NGEF: variants seen among roughly 807,000 people sequenced by gnomAD.
NGEF encodes the protein ephexin-1.
Under a neutral mutation model 80.9 loss-of-function variants are expected in NGEF, and 31 were observed. That is an observed-to-expected ratio of 0.38 (90% CI 0.29 to 0.52). The LOEUF is 0.52. Ranked by LOEUF, NGEF falls within the 20% of genes least tolerant of loss-of-function variation. The pLI, the probability that NGEF is intolerant of heterozygous loss-of-function variation, is 0.84. For synonymous variants in NGEF, 371 were observed against 370.2 expected (o/e 1.00, Z -0.03); for missense variants, 709 against 926.2 (o/e 0.77, Z 3.04).
intron 5 of NGEF, among the ~76,000 whole-genome samples, chr2:232,897,034 G>A (rs1692116821): frequency 7.8e-6 from 1 of 128,774 alleles, no homozygotes; most frequent in Non-Finnish European, 1.7e-5. Context: ...GGGTAGGAGT[G>A]GGGGTGAGGT....
At chr2:232,938,247 G>A (rs1022779214) in intron 3 of NGEF, among the ~76,000 whole-genome samples, 2 of 152,176 alleles carry the variant, frequency 1.3e-5, no homozygotes, top group African/African-American at 4.8e-5. Context: ...CTTGGCTAGT[G>A]AAACATTGGA....
At chr2:232,942,283 A>G (rs1368151569) in intron 3 of NGEF, among the ~76,000 whole-genome samples, 1 of 152,134 alleles carries the variant, frequency 6.6e-6, no homozygotes, top group Non-Finnish European at 1.5e-5. Context: ...GTCCTGTTGG[A>G]CTGGGCAAGG....
Position 232,918,363 on chromosome 2 carries a change from A to C in NGEF, c.828+1921T>G, listed in dbSNP as rs533651087. ...TGATCTGCCCACCCCGGCCTCCCAA[A>C]GTGCTGGGATTACAGGTGTGAGCCA... On this transcript the variant is annotated intron_variant, in intron 5 of 14. Transcript: ENST00000264051. Among the ~76,000 whole-genome samples the C allele has an allele frequency of 3.3e-5, 5 of 152,162 alleles. No homozygotes were observed. The East Asian group carries it at 9.7e-4, about 29-fold the overall frequency.
At chr2:232,998,133 C>A (rs1287113083) in intron 1 of NGEF, among the ~76,000 whole-genome samples, 1 of 152,006 alleles carries the variant, frequency 6.6e-6, no homozygotes, top group Non-Finnish European at 1.5e-5. Flanking sequence ...TGCTCTTCCC[C>A]CTCTTCCCAG....
chr2:232,880,001 C>T (rs898276576), intron 14 of NGEF, among the ~76,000 whole-genome samples: 1 of 152,192 alleles, frequency 6.6e-6, no homozygotes, highest in African/African-American at 2.4e-5. Flanking sequence ...AGGGCCACTC[C>T]AAAAAGCTGG....
Position 232,892,749 on chromosome 2 carries a change from C to G in NGEF, c.1142+149G>C. 1 of 827,300 alleles carries G rather than the reference C, an allele frequency of 1.2e-6. No individual in the cohort carries two copies. The highest frequency in any genetic ancestry group is 1.9e-6 in the Non-Finnish European group (1 of 519,382). The allele number at this position is 827,300 out of a possible 1,614,324, so 51.2% of individuals were successfully genotyped here. On this transcript the variant is annotated intron_variant, in intron 7 of 14. Coordinates refer to ENST00000264051, the MANE Select transcript of NGEF (RefSeq NM_019850.3). The surrounding 1 kb of genome is among the most constrained non-coding windows in gnomAD (Gnocchi z 4.0). Reference sequence around the variant, plus strand: ...GGGTTGGGACACTGTCACCAGTATCCCTGGCCAACTCCGGTGGCTCATGTG... The same window carrying G: ...GGGTTGGGACACTGTCACCAGTATCGCTGGCCAACTCCGGTGGCTCATGTG...
chr2:233,005,729 C>G (rs371257432), intron 1 of NGEF, among the ~76,000 whole-genome samples: 4 of 152,338 alleles, frequency 2.6e-5, no homozygotes, highest in African/African-American at 9.6e-5. Flanking sequence ...AGGAAACAGT[C>G]CTGCCAGCAG....
intron 1 of NGEF, among the ~76,000 whole-genome samples, chr2:232,981,637 C>T (rs1251429236): frequency 6.6e-6 from 1 of 152,126 alleles, no homozygotes; most frequent in Non-Finnish European, 1.5e-5. Context: ...CACTTCAATC[C>T]CTATGATTCC....
chr2:232,983,898 C>T (rs1204489479), intron 1 of NGEF, among the ~76,000 whole-genome samples: 3 of 152,170 alleles, frequency 2.0e-5, no homozygotes, highest in Non-Finnish European at 2.9e-5. Flanking sequence ...AGCTGGGCCC[C>T]GAGTCCGGGC....
intron 5 of NGEF, among the ~76,000 whole-genome samples, chr2:232,914,089 A>T (rs544466557): frequency 6.6e-6 from 1 of 152,146 alleles, no homozygotes; most frequent in Non-Finnish European, 1.5e-5. Flanking sequence ...TTGTATTTGT[A>T]AATAAAGTTT....
At chr2:232,947,453 G>A (rs928837197) in intron 3 of NGEF, among the ~76,000 whole-genome samples, 1 of 152,146 alleles carries the variant, frequency 6.6e-6, no homozygotes, top group African/African-American at 2.4e-5. Flanking sequence ...ACCTGTTGAG[G>A]GAGGGACGTG....
chr2:233,001,193 G>T (rs1490199449), intron 1 of NGEF, among the ~76,000 whole-genome samples: 2 of 152,218 alleles, frequency 1.3e-5, no homozygotes, highest in African/African-American at 4.8e-5. Context: ...CGGAGATGAG[G>T]ATTGGAGTGG....
intron 3 of NGEF, among the ~76,000 whole-genome samples, chr2:232,940,944 C>G (rs565369543): frequency 6.6e-6 from 1 of 152,268 alleles, no homozygotes; most frequent in African/African-American, 2.4e-5. Context: ...TTCCTCAAGA[C>G]AGGGGAATTG....
intron 1 of NGEF, among the ~76,000 whole-genome samples, chr2:232,994,409 A>G (rs1411207106): frequency 2.0e-5 from 3 of 152,004 alleles, no homozygotes; most frequent in African/African-American, 7.2e-5. Flanking sequence ...AAATAGAGGG[A>G]TATCAATAGA....
At chr2:232,930,112 G>A (rs1314822935) in intron 3 of NGEF, among the ~76,000 whole-genome samples, 2 of 152,026 alleles carry the variant, frequency 1.3e-5, no homozygotes, top group Non-Finnish European at 2.9e-5. Context: ...TTTATCAGCC[G>A]CGTGAGAGCG....
In NGEF at chr2:233,008,704, C is replaced by T. The variant is rs889926912; in HGVS notation, c.-75+4364G>A. Among the ~76,000 whole-genome samples, 4 of 152,164 alleles carry T rather than the reference C, an allele frequency of 2.6e-5. No homozygotes were observed. In the East Asian group the frequency reaches 7.7e-4, roughly 29 times the overall value. On this transcript the variant is annotated intron_variant, in intron 1 of 14. Transcript: ENST00000264051. Reference sequence around the variant, plus strand: ...GGATTTGTCTCTGGTAGGAAACATACTCATTAACTAATAGTGAATTGGCAC... The same window carrying T: ...GGATTTGTCTCTGGTAGGAAACATATTCATTAACTAATAGTGAATTGGCAC...
intron 3 of NGEF, among the ~76,000 whole-genome samples, chr2:232,949,168 G>A (rs1005054168): frequency 5.3e-5 from 8 of 152,208 alleles, no homozygotes; most frequent in African/African-American, 2.4e-5. Context: ...GGAGCTCTGC[G>A]GAGCCAGGAC....
At chr2:233,001,361 C>G (rs539768455) in intron 1 of NGEF, among the ~76,000 whole-genome samples, 1 of 152,208 alleles carries the variant, frequency 6.6e-6, no homozygotes, top group African/African-American at 2.4e-5. Flanking sequence ...CTAGAAGCAT[C>G]GAAAGCACCT....
At chr2:232,919,876 A>T (rs1323059220) in intron 5 of NGEF, among the ~76,000 whole-genome samples, 2 of 152,218 alleles carry the variant, frequency 1.3e-5, no homozygotes, top group African/African-American at 4.8e-5. Context: ...GTGGGATAAG[A>T]TCGTGAATGC....
Sources: gnomAD v4.1 joint callset for allele counts (sites outside exome capture counted in the v4.1 genomes callset) on GRCh38, gnomAD v4.1.1 for gene constraint, Gnocchi (gnomAD v3.1) non-coding constraint, MANE v1.5 for transcripts, NCBI Gene and HGNC (gene_info 2026-07-23, HGNC 2026-07-21) for gene names.